VPS41: variants seen among roughly 807,000 people sequenced by gnomAD.
VPS41 encodes VPS41 subunit of HOPS complex, also known as vacuolar protein sorting-associated protein 41 homolog.
Under a neutral mutation model 130.9 loss-of-function variants are expected in VPS41, and 85 were observed. The observed-to-expected ratio is 0.65, with a 90% CI of 0.55 to 0.78. The LOEUF is 0.78. VPS41 is among the 30% of genes least tolerant of loss of function. The pLI is 0.00. For synonymous variants in VPS41, 335 were observed against 332.9 expected (o/e 1.01, Z -0.07); for missense variants, 874 against 1,018.7 (o/e 0.86, Z 1.93).
chr7:38,841,611 TTTGTTG>T (rs942482746), intron 4 of VPS41, among the ~76,000 whole-genome samples: 1 of 152,164 alleles, frequency 6.6e-6, no homozygotes, highest in Non-Finnish European at 1.5e-5. Flanking sequence ...ACTCACAACT[TTTGTTG>T]TTGTTGTTGT....
Position 38,724,068 on chromosome 7 carries a change from T to C in VPS41, c.*2178A>G, listed in dbSNP as rs1795488725. The stretch of plus-strand genomic sequence containing the variant: ...CAGTGTGTTACAGCAATTTCTGAAA[T>C]GATAAACGAACATATTTTATTATTT... On this transcript the variant is annotated 3_prime_UTR_variant, in exon 29 of 29. Transcript: ENST00000310301. 1 of 152,212 alleles carries C rather than the reference T, an allele frequency of 6.6e-6. No homozygotes were observed. Among genetic ancestry groups the C allele is most frequent in the African/African-American group, 2.4e-5 (1 of 41,462 alleles). 9.4% of individuals were successfully genotyped at this position (152,212 alleles called of 1,614,324 possible).
rs771988049 is a variant in VPS41, at chr7:38,756,898, C to T, written c.1635G>A (p.Lys545=). 1.3e-6 allele frequency: 2 copies of T among 1,599,846 alleles called. No individual in the cohort carries two copies. Among genetic ancestry groups the T allele is most frequent in the Non-Finnish European group, 1.7e-6 (2 of 1,168,360 alleles). ...CCTTGATAGAACTGAAAAGATTATG[C>T]TTGTGGATCAACTGAAAAACGTCTT... is the stretch of plus-strand genomic sequence containing the variant. ...RHKDVFQLIH[K]HNLFSSIKDK... The change falls in exon 19 of 29, where the codon AAG becomes AAA. Residue 545 remains lysine (K), a synonymous_variant. Transcript: ENST00000310301.
chr7:38,763,348 C>T (rs1783961522), intron 17 of VPS41, 107 bp downstream of exon 17: 4 of 684,126 alleles, frequency 5.8e-6, no homozygotes, highest in Non-Finnish European at 9.0e-6. Context: ...CACATGCAAA[C>T]TACAAATCTG....
intron 14 of VPS41, among the ~76,000 whole-genome samples, chr7:38,770,269 C>CA (rs5883660): frequency 0.11 from 8,780 of 79,208 alleles, 609 homozygotes; most frequent in African/African-American, 0.26. Flanking sequence ...AACTCCGTCT[C>CA]AAAAAAAAAA....
chr7:38,755,572 T>TG (rs1389368334), intron 19 of VPS41, among the ~76,000 whole-genome samples: 4 of 152,156 alleles, frequency 2.6e-5, no homozygotes, highest in African/African-American at 9.7e-5. Flanking sequence ...ACGGAACACC[T>TG]GGGGGCCCTG....
rs1362418479 is a variant in VPS41, at chr7:38,752,322, A to C, written c.1789-9T>G. ...AAAAGCTTATGCAAATACTAAAAGG[A>C]ACAAAAGATAAGCCGTGACCCATTA... On this transcript the variant is annotated splice_polypyrimidine_tract_variant and intron_variant, in intron 21 of 28. Coordinates refer to ENST00000310301, the MANE Select transcript of VPS41 (RefSeq NM_014396.4). 3 of 1,613,530 alleles carry C rather than the reference A, an allele frequency of 1.9e-6. No individual in the cohort carries two copies. The highest frequency in any genetic ancestry group is 1.1e-5 in the South Asian group (1 of 91,050).
At chr7:38,764,754 G>A (rs1446989130) in intron 16 of VPS41, among the ~76,000 whole-genome samples, 2 of 152,062 alleles carry the variant, frequency 1.3e-5, no homozygotes, top group Non-Finnish European at 2.9e-5. Flanking sequence ...CAGACTCAAT[G>A]GAAAAGGACT....
chr7:38,824,213 T>C (rs1455410702), intron 5 of VPS41, among the ~76,000 whole-genome samples: 1 of 152,230 alleles, frequency 6.6e-6, no homozygotes, highest in East Asian at 1.9e-4. Flanking sequence ...CTAAATCTCA[T>C]ACTACTGCTA....
chr7:38,803,715 A>G (rs1784779974), intron 7 of VPS41, among the ~76,000 whole-genome samples: 1 of 152,214 alleles, frequency 6.6e-6, no homozygotes, highest in Non-Finnish European at 1.5e-5. Context: ...GAAAAATATG[A>G]GTGAGTGTGG....
intron 5 of VPS41, among the ~76,000 whole-genome samples, chr7:38,829,459 A>C (rs1785343671): frequency 6.6e-6 from 1 of 152,234 alleles, no homozygotes; most frequent in Non-Finnish European, 1.5e-5. Context: ...AAAGATCTAT[A>C]ATGATTCTTA....
At chr7:38,883,384 T>A (rs1448082370) in intron 2 of VPS41, among the ~76,000 whole-genome samples, 1 of 152,204 alleles carries the variant, frequency 6.6e-6, no homozygotes, top group Non-Finnish European at 1.5e-5. Context: ...ACATCCAGCA[T>A]GACCCTACCT....
chr7:38,799,016 C>T (rs1368570857), intron 7 of VPS41, among the ~76,000 whole-genome samples: 1 of 151,990 alleles, frequency 6.6e-6, no homozygotes, highest in Non-Finnish European at 1.5e-5. Flanking sequence ...TGTAATGGGG[C>T]AGGAACGAAG....
intron 10 of VPS41, among the ~76,000 whole-genome samples, chr7:38,786,783 T>C (rs1237498018): frequency 1.3e-5 from 2 of 152,144 alleles, no homozygotes; most frequent in Non-Finnish European, 2.9e-5. Context: ...ATCATTTCTA[T>C]TGAGACTCAG....
At chr7:38,832,640 G>A (rs1234354430) in intron 4 of VPS41, among the ~76,000 whole-genome samples, 1 of 152,020 alleles carries the variant, frequency 6.6e-6, no homozygotes, top group Admixed American at 6.6e-5. Flanking sequence ...CTTTTCTCAA[G>A]TACTTATTCT....
At chr7:38,839,454 GCT>G (rs1785562546) in intron 4 of VPS41, among the ~76,000 whole-genome samples, 1 of 151,930 alleles carries the variant, frequency 6.6e-6, no homozygotes, top group South Asian at 2.1e-4. Flanking sequence ...ACAGAGTCTC[GCT>G]CTGTCGCACA....
chr7:38,909,122 C>T (rs1180804378), intron 1 of VPS41, 32 bp downstream of exon 1: 2 of 1,614,178 alleles, frequency 1.2e-6, no homozygotes, highest in Non-Finnish European at 1.7e-6. Context: ...CTCTATATCC[C>T]TGTGCCCTCA....
intron 4 of VPS41, among the ~76,000 whole-genome samples, chr7:38,849,774 TG>T (rs1285792976): frequency 6.6e-6 from 1 of 152,034 alleles, no homozygotes; most frequent in African/African-American, 2.4e-5. Flanking sequence ...GGATGGGGTG[TG>T]GCAGGACAGG....
chr7:38,903,915 G>T (rs995373650), intron 1 of VPS41, among the ~76,000 whole-genome samples: 1 of 152,076 alleles, frequency 6.6e-6, no homozygotes, highest in Non-Finnish European at 1.5e-5. Context: ...CTTGACGTGT[G>T]CCCCAGCGTG....
rs142972492 is a variant in VPS41 at position 38,890,177 on chromosome 7, C to T, written c.60+7914G>A. On this transcript the variant is annotated intron_variant, in intron 2 of 28. Coordinates refer to ENST00000310301, the MANE Select transcript of VPS41 (RefSeq NM_014396.4). Reference sequence around the variant, plus strand: ...AAAAACGGAGGATACAAACAGAAAACCAAAAAATGGCAGACTTAAGCCTTA... The same window carrying T: ...AAAAACGGAGGATACAAACAGAAAATCAAAAAATGGCAGACTTAAGCCTTA... Among the ~76,000 whole-genome samples the T allele has an allele frequency of 3.5e-3, 538 of 152,036 alleles. 5 individuals carry two copies. The highest frequency in any genetic ancestry group is 0.012 in the African/African-American group (508 of 41,466).
Sources: allele counts gnomAD v4.1 joint callset (sites outside exome capture counted in the v4.1 genomes callset), GRCh38; gene constraint gnomAD v4.1.1; transcripts MANE v1.5; gene names NCBI Gene and HGNC (gene_info 2026-07-23, HGNC 2026-07-21).